COMP: variants seen among roughly 807,000 people sequenced by gnomAD.
COMP encodes the protein cartilage oligomeric matrix protein.
In COMP, 79 loss-of-function variants were observed where a neutral mutation model predicts 95.8. That is an observed-to-expected ratio of 0.82 (90% CI 0.69 to 0.99). The LOEUF (loss-of-function observed/expected upper bound fraction) is 0.99, where lower values mean the gene tolerates loss of function less well. Among genes scored for constraint, COMP ranks in the 50% least tolerant of loss-of-function variants. The probability of loss-of-function intolerance (pLI) is 0.00; values close to 1 mark genes in which losing one functional copy is unlikely to be tolerated. For synonymous variants in COMP, 438 were observed against 433.9 expected (o/e 1.01, Z -0.12); for missense variants, 906 against 1,076.1 (o/e 0.84, Z 2.21).
chr19:18,782,787 C>G lies in COMP; in HGVS notation c.*128G>C. On this transcript the variant is annotated 3_prime_UTR_variant, in exon 19 of 19. Transcript: ENST00000222271. ...ACAGCCGCCACTCCCTGCACACACA[C>G]TTTATTTTGTCCTCTCTGAGCCCTT... The G allele has an allele frequency of 9.2e-7, 1 of 1,085,984 alleles. No homozygotes were observed. Among genetic ancestry groups the G allele is most frequent in the Non-Finnish European group, 1.4e-6 (1 of 733,752 alleles). 67.3% of individuals were successfully genotyped at this position (1,085,984 alleles called of 1,614,324 possible).
At position 18,783,150 on chromosome 19, in the gene COMP, C is replaced by T. The variant is rs772781703; in HGVS notation, c.2131G>A (p.Val711Met). ...CCCCGCATGGTTGTGTCCAAGACCA[C>T]GTTGCTGTCGGCCACCAGCTCAGGG... ...EGPELVADSN[V>M]VLDTTMRGGR... is the part of the protein sequence containing the mutation. The change falls in exon 18 of 19, where the codon GTG becomes ATG. Residue 711 changes from valine (V) to methionine (M), a missense_variant. By Grantham distance (21) the Val-to-Met change is conservative (BLOSUM62 1). Transcript: ENST00000222271. The T allele has an allele frequency of 3.7e-6, 6 of 1,610,164 alleles. No homozygotes were observed. In the African/African-American group the frequency reaches 4.0e-5, roughly 11 times the overall value.
chr19:18,789,117 C>T lies in COMP; in HGVS notation c.528+43G>A. On this transcript the variant is annotated intron_variant, in intron 5 of 18. Coordinates refer to ENST00000222271, the MANE Select transcript of COMP (RefSeq NM_000095.3). This position sits in a 1 kb window ranked among gnomAD's most constrained non-coding sequence, Gnocchi z 6.1. Reference sequence around the variant, plus strand: ...TTTACTGGTAAACAAAATGGACGCCCCCTTCCCTTCTGCTCCAAAAATGGG... The same window carrying T: ...TTTACTGGTAAACAAAATGGACGCCTCCTTCCCTTCTGCTCCAAAAATGGG... The T allele has an allele frequency of 6.4e-7, 1 of 1,570,258 alleles. No homozygotes were observed. The highest frequency in any genetic ancestry group is 1.2e-5 in the South Asian group (1 of 83,502).
intron 9 of COMP, among the ~76,000 whole-genome samples, chr19:18,787,931 G>C (rs2055181741): frequency 9.4e-6 from 1 of 106,824 alleles, no homozygotes; most frequent in Admixed American, 9.6e-5. Flanking sequence ...TTGAGACAGA[G>C]TCTTGCTCTG....
intron 17 of COMP, among the ~76,000 whole-genome samples, chr19:18,783,865 C>T (rs545264888): frequency 6.6e-6 from 1 of 152,294 alleles, no homozygotes. Flanking sequence ...CCGCCTCGGC[C>T]TCCCAAAGTA....
chr19:18,788,674 C>A lies in COMP; in HGVS notation c.680G>T (p.Arg227Leu). The change falls in exon 7 of 19, where the codon CGC becomes CTC. Residue 227 changes from arginine (R) to leucine (L), a missense_variant. Transcript: ENST00000222271. This position sits in a 1 kb window ranked among gnomAD's most constrained non-coding sequence, Gnocchi z 4.7. The part of the protein sequence containing the change: ...QASGCQRRAQ[R>L]FCPDGSPSEC... ...GCTGGGCGAGCCGTCGGGGCAGAAG[C>A]GCTGTGCGCGCCGCTGGCAGCCGGA... 1 of 1,542,846 alleles carries A rather than the reference C, an allele frequency of 6.5e-7. No individual in the cohort carries two copies. Among genetic ancestry groups the A allele is most frequent in the South Asian group, 1.2e-5 (1 of 83,908 alleles).
chr19:18,790,761 A>G (rs1601060647), intron 2 of COMP, 89 bp downstream of exon 2: 2 of 1,588,790 alleles, frequency 1.3e-6, no homozygotes, highest in Non-Finnish European at 1.7e-6. Context: ...TCTCCTCTCC[A>G]CCTTCTCGGG....
rs368949530 is a variant in COMP at position 18,790,642 on chromosome 19, T to A, written c.166-29A>T. The A allele has an allele frequency of 2.1e-4, 333 of 1,612,882 alleles. 5 individuals carry two copies. The highest frequency in any genetic ancestry group is 2.7e-4 in the Admixed American group (16 of 59,876). The stretch of plus-strand genomic sequence containing the variant: ...CAGGGGTGGGATGGAATCAGCGGGG[T>A]CCCAACCTCTCCTCATCCCTCGGGT... On this transcript the variant is annotated intron_variant, in intron 2 of 18. Transcript: ENST00000222271.
rs201439283 is a variant in COMP, at chr19:18,784,307, T to C, written c.1971A>G (p.Thr657=). Residue 657 remains threonine, a synonymous_variant, in exon 17 of 19, where the codon ACA becomes ACG. Transcript: ENST00000222271. This position sits in a 1 kb window ranked among gnomAD's most constrained non-coding sequence, Gnocchi z 4.9. The stretch of plus-strand genomic sequence containing the variant: ...GCCGCACCTGGGACTCTGTGTCTCC[T>C]GTATGCCACAGAGCGTTCCGCAGCT... ...GEQLRNALWH[T]GDTESQVRLL... 4 of 1,614,120 alleles carry C rather than the reference T, an allele frequency of 2.5e-6. No homozygotes were observed. Among genetic ancestry groups the C allele is most frequent in the East Asian group, 2.2e-5 (1 of 44,886 alleles).
In COMP at chr19:18,790,001, A is replaced by C; in HGVS notation, c.331T>G (p.Cys111Gly). 1 of 1,590,602 alleles carries C rather than the reference A, an allele frequency of 6.3e-7. No homozygotes were observed. Among genetic ancestry groups the C allele is most frequent in the Non-Finnish European group, 8.5e-7 (1 of 1,175,518 alleles). The part of the protein sequence containing the change: ...ACIQTESGAR[C>G]GPCPAGFTGN... ...GTGAAGCCCGCGGGGCAGGGGCCGCAGCGCGCGCCGCTCTCCGTCTGGATG... is the reference window on the plus strand; with the variant it reads ...GTGAAGCCCGCGGGGCAGGGGCCGCCGCGCGCGCCGCTCTCCGTCTGGATG... Residue 111 changes from cysteine (C) to glycine (G), a missense_variant, in exon 4 of 19, where the codon TGC becomes GGC. Coordinates refer to ENST00000222271, the MANE Select transcript of COMP (RefSeq NM_000095.3).
intron 9 of COMP, 101 bp from the exon 10 acceptor site, chr19:18,787,751 A>C: frequency 6.5e-7 from 1 of 1,535,918 alleles, no homozygotes; most frequent in Non-Finnish European, 8.9e-7. Context: ...TCCTCAAGGA[A>C]CCTTTCGCCC....
Position 18,789,197 on chromosome 19 carries a change from T to G in COMP, c.491A>C (p.Gln164Pro). Reference sequence around the variant, plus strand: ...CTTGGCGAAAGCCAGCCCCACGCCCTGGTGGGTGGGGCCGCTGTACCCCGG... The same window carrying G: ...CTTGGCGAAAGCCAGCCCCACGCCCGGGTGGGTGGGGCCGCTGTACCCCGG... Reference protein sequence around the residue: ...CPPGYSGPTHQGVGLAFAKAN... With the variant: ...CPPGYSGPTHPGVGLAFAKAN... Residue 164 changes from glutamine (Q) to proline (P), a missense_variant, in exon 5 of 19, where the codon CAG becomes CCG. Coordinates refer to ENST00000222271, the MANE Select transcript of COMP (RefSeq NM_000095.3). The surrounding 1 kb of genome is among the most constrained non-coding windows in gnomAD (Gnocchi z 6.1). 6.4e-7 allele frequency: 1 copy of G among 1,562,820 alleles called. No individual in the cohort carries two copies. The highest frequency in any genetic ancestry group is 8.6e-7 in the Non-Finnish European group (1 of 1,161,178).
chr19:18,784,290 T>C lies in COMP; in HGVS notation c.1988A>G (p.Gln663Arg), dbSNP rs141708238. 12 of 1,613,986 alleles carry C rather than the reference T, an allele frequency of 7.4e-6. No individual in the cohort carries two copies. Among genetic ancestry groups the C allele is most frequent in the Non-Finnish European group, 1.0e-5 (12 of 1,180,042 alleles). Residue 663 changes from glutamine to arginine, a missense_variant, in exon 17 of 19, where the codon CAG (glutamine) becomes CGG (arginine). Gln to Arg is a conservative substitution (Grantham distance 43, BLOSUM62 1). Coordinates refer to ENST00000222271, the MANE Select transcript of COMP (RefSeq NM_000095.3). This position sits in a 1 kb window ranked among gnomAD's most constrained non-coding sequence, Gnocchi z 4.9. ...ALWHTGDTES[Q>R]VRLLWKDPRN... is the part of the protein sequence containing the mutation. ...CGGGTCCTTCCACAGCAGCCGCACC[T>C]GGGACTCTGTGTCTCCTGTATGCCA...
At chr19:18,785,568 G>A (rs1383992536) in intron 14 of COMP, 22 bp from the exon 15 acceptor site, 1 of 1,614,002 alleles carries the variant, frequency 6.2e-7, no homozygotes, top group Non-Finnish European at 8.5e-7. Flanking sequence ...AAAGAAAGGA[G>A]GGCCTCAGGC....
chr19:18,783,067 AC>A lies in COMP; in HGVS notation c.2213del (p.Arg738LeufsTer?). 6.2e-7 allele frequency: 1 copy of A among 1,612,340 alleles called. No individual in the cohort carries two copies. The highest frequency in any genetic ancestry group is 8.5e-7 in the Non-Finnish European group (1 of 1,179,992). ...CCCTCGGCTCACCATTGCAGCGGTA[AC>A]GCAGGTTGGCCCAGATGATGTTCTC... ...SQENIIWANL[R>X]YRCNDTIPED... On this transcript the variant is annotated frameshift_variant, in exon 18 of 19. Coordinates refer to ENST00000222271, the MANE Select transcript of COMP (RefSeq NM_000095.3). LOFTEE classifies it high-confidence loss of function.
Position 18,784,133 on chromosome 19 carries a change from C to T in COMP, c.2087+58G>A. 1 of 1,597,828 alleles carries T rather than the reference C, an allele frequency of 6.3e-7. No homozygotes were observed. Among genetic ancestry groups the T allele is most frequent in the South Asian group, 1.1e-5 (1 of 90,716 alleles). On this transcript the variant is annotated intron_variant, in intron 17 of 18. Coordinates refer to ENST00000222271, the MANE Select transcript of COMP (RefSeq NM_000095.3). The surrounding 1 kb of genome is among the most constrained non-coding windows in gnomAD (Gnocchi z 4.9). ...ACACAGCCCCTGCCTGGCCAGGGCACTCCCACCTGGGCCTGTGTGTCCCCA... is the reference window on the plus strand; with the variant it reads ...ACACAGCCCCTGCCTGGCCAGGGCATTCCCACCTGGGCCTGTGTGTCCCCA...
Position 18,788,655 on chromosome 19 carries a change from C to A in COMP, c.699G>T (p.Ser233=). ...CTGCATGCTCGTGGCACTCGCTGGGCGAGCCGTCGGGGCAGAAGCGCTGTG... is the reference window on the plus strand; with the variant it reads ...CTGCATGCTCGTGGCACTCGCTGGGAGAGCCGTCGGGGCAGAAGCGCTGTG... ...RRAQRFCPDG[S]PSECHEHADC... Residue 233 remains serine, a synonymous_variant, in exon 7 of 19, where the codon TCG becomes TCT. Coordinates refer to ENST00000222271, the MANE Select transcript of COMP (RefSeq NM_000095.3). This position sits in a 1 kb window ranked among gnomAD's most constrained non-coding sequence, Gnocchi z 4.7. 6.5e-7 allele frequency: 1 copy of A among 1,545,748 alleles called. No homozygotes were observed. Among genetic ancestry groups the A allele is most frequent in the South Asian group, 1.2e-5 (1 of 83,996 alleles).
rs2055152963 is a variant in COMP, at chr19:18,784,805, G to C, written c.1914+91C>G. ...GAGGTCCATAGTATGAGGCTAGGGGGCTGGGGGGCTCTAAGGGCTGTAAAG... is the reference window on the plus strand; with the variant it reads ...GAGGTCCATAGTATGAGGCTAGGGGCCTGGGGGGCTCTAAGGGCTGTAAAG... On this transcript the variant is annotated intron_variant, in intron 16 of 18. Coordinates refer to ENST00000222271, the MANE Select transcript of COMP (RefSeq NM_000095.3). The surrounding 1 kb of genome is among the most constrained non-coding windows in gnomAD (Gnocchi z 4.9). 1.4e-6 allele frequency: 2 copies of C among 1,426,646 alleles called. No individual in the cohort carries two copies. The highest frequency in any genetic ancestry group is 1.7e-5 in the Admixed American group (1 of 59,172). 88.4% of individuals were successfully genotyped at this position (1,426,646 alleles called of 1,614,324 possible). A position where few individuals can be genotyped will look rare whatever the true frequency, so the allele number is the denominator to read the frequency against.
Position 18,784,849 on chromosome 19 carries a change from G to GGGA in COMP, c.1914+44_1914+46dup, listed in dbSNP as rs1315533518. The stretch of plus-strand genomic sequence containing the variant: ...TGTAAAGGGTTTTACGGAGGGTCAT[G>GGGA]GGAGGGCATGAGGACCGCAGAGGTC... On this transcript the variant is annotated intron_variant, in intron 16 of 18. Transcript: ENST00000222271. The surrounding 1 kb of genome is among the most constrained non-coding windows in gnomAD (Gnocchi z 4.9). 6.3e-7 allele frequency: 1 copy of GGGA among 1,599,392 alleles called. No homozygotes were observed. The highest frequency in any genetic ancestry group is 1.7e-5 in the Admixed American group (1 of 59,982).
chr19:18,786,071 G>T lies in COMP; in HGVS notation c.1383C>A (p.His461Gln). Residue 461 changes from histidine to glutamine, a missense_variant, in exon 13 of 19, where the codon CAC becomes CAA. Transcript: ENST00000222271. ...CGTCGCAGGCATCACCCTGGCCATC[G>T]TGGTCTGAGTCCTCCTGGGCACTGT... The part of the protein sequence containing the change: ...VPNSAQEDSD[H>Q]DGQGDACDDD... The T allele has an allele frequency of 6.2e-7, 1 of 1,614,028 alleles. No individual in the cohort carries two copies. The highest frequency in any genetic ancestry group is 1.7e-5 in the Admixed American group (1 of 60,024).
Sources: gnomAD v4.1 joint callset for allele counts (sites outside exome capture counted in the v4.1 genomes callset) on GRCh38, gnomAD v4.1.1 for gene constraint, Gnocchi (gnomAD v3.1) non-coding constraint, MANE v1.5 for transcripts, NCBI Gene and HGNC (gene_info 2026-07-23, HGNC 2026-07-21) for gene names.